SLCO4C1: variants seen among roughly 807,000 people sequenced by gnomAD.
SLCO4C1 encodes the protein organic anion transporter M1.
SLCO4C1 carries 58 observed loss-of-function variants against 72.1 expected under a neutral mutation model. The ratio of observed to expected loss-of-function variants is 0.80; its 90% CI spans 0.65 to 1.00. The LOEUF (loss-of-function observed/expected upper bound fraction) is 1.00, where lower values mean the gene tolerates loss of function less well. SLCO4C1 is among the 50% of genes least tolerant of loss of function. The pLI is 0.00. For missense variants in SLCO4C1, 898 were observed against 857.9 expected (o/e 1.05, Z -0.58); for synonymous variants, 297 against 312.5 (o/e 0.95, Z 0.52).
chr5:102,271,493 A>G (rs1487397829), intron 2 of SLCO4C1, among the ~76,000 whole-genome samples: 1 of 151,758 alleles, frequency 6.6e-6, no homozygotes, highest in Non-Finnish European at 1.5e-5. Flanking sequence ...AAATATTTAT[A>G]TTTTGATACT....
rs1409654280 is a variant in SLCO4C1, at chr5:102,233,990, G to GTATAAACAT, written c.*2859_*2867dup. ...TAATAAGCTCAAACACGACAATTTT[G>GTATAAACAT]TATAAACATTCTGATTTAATAAATG... On this transcript the variant is annotated 3_prime_UTR_variant, in exon 13 of 13. Transcript: ENST00000310954. 1 of 151,954 alleles carries GTATAAACAT rather than the reference G, an allele frequency of 6.6e-6. No homozygotes were observed. The highest frequency in any genetic ancestry group is 1.9e-4 in the East Asian group (1 of 5,194). 9.4% of individuals were successfully genotyped at this position (151,954 alleles called of 1,614,324 possible).
At chr5:102,251,322 A>C (rs1206729492) in intron 8 of SLCO4C1, among the ~76,000 whole-genome samples, 1 of 152,236 alleles carries the variant, frequency 6.6e-6, no homozygotes, top group Non-Finnish European at 1.5e-5. Flanking sequence ...ACCAGTTACA[A>C]TACCCTAGAC....
At chr5:102,275,075 A>G (rs1749224069) in intron 2 of SLCO4C1, among the ~76,000 whole-genome samples, 1 of 152,184 alleles carries the variant, frequency 6.6e-6, no homozygotes, top group African/African-American at 2.4e-5. Context: ...AGCAAATGAG[A>G]AATGTGAACA....
intron 8 of SLCO4C1, among the ~76,000 whole-genome samples, chr5:102,254,884 T>C (rs1475071104): frequency 6.6e-6 from 1 of 152,098 alleles, no homozygotes; most frequent in East Asian, 1.9e-4. Flanking sequence ...AAACCCACAA[T>C]ATCCTCAACA....
rs1487811440 is a variant in SLCO4C1, at chr5:102,291,607, C to T, written c.356-1G>A. 2 of 1,596,202 alleles carry T rather than the reference C, an allele frequency of 1.3e-6. No homozygotes were observed. Among genetic ancestry groups the T allele is most frequent in the Admixed American group, 1.8e-5 (1 of 56,828 alleles). On this transcript the variant is annotated splice_acceptor_variant, in intron 1 of 12. Transcript: ENST00000310954. LOFTEE classifies it high-confidence loss of function. ...TTTACTAGGCCATTAACTACAATAC[C>T]TAAAAAACAGAAAAGTTGATGTGCA...
At chr5:102,241,641 GAATA>G (rs1748541923) in intron 10 of SLCO4C1, among the ~76,000 whole-genome samples, 1 of 151,882 alleles carries the variant, frequency 6.6e-6, no homozygotes, top group South Asian at 2.1e-4. Context: ...TGAATTGGAG[GAATA>G]AATATTTTAA....
intron 6 of SLCO4C1, 146 bp from the exon 7 acceptor site, chr5:102,258,233 G>C (rs1748874696): frequency 9.0e-6 from 5 of 558,604 alleles, no homozygotes; most frequent in Non-Finnish European, 1.5e-5. Context: ...ATATAACTAT[G>C]GATAATTAAT....
chr5:102,275,941 TA>T, intron 2 of SLCO4C1, among the ~76,000 whole-genome samples: 1 of 152,236 alleles, frequency 6.6e-6, no homozygotes, highest in East Asian at 1.9e-4. Context: ...TCATTAAAAA[TA>T]TTTAAATTTA....
At chr5:102,255,949 T>C (rs1748826944) in intron 8 of SLCO4C1, among the ~76,000 whole-genome samples, 1 of 144,604 alleles carries the variant, frequency 6.9e-6, no homozygotes, top group Admixed American at 7.2e-5. Context: ...CTCACACCTG[T>C]AATCCCAGCA....
intron 2 of SLCO4C1, among the ~76,000 whole-genome samples, chr5:102,278,548 G>A (rs368292365): frequency 3.9e-5 from 6 of 152,032 alleles, no homozygotes; most frequent in East Asian, 1.9e-4. Flanking sequence ...CTTTTCAAAC[G>A]CCCACAGAAC....
At position 102,262,034 on chromosome 5, in the gene SLCO4C1, C is replaced by T; in HGVS notation, c.900-1G>A. 2 of 1,599,868 alleles carry T rather than the reference C, an allele frequency of 1.3e-6. No individual in the cohort carries two copies. The highest frequency in any genetic ancestry group is 1.7e-6 in the Non-Finnish European group (2 of 1,174,724). ...CGGATCATCCTCAGTGACATCAGTGCTATATGATAGAAAAACAAGAGGTAA... is the reference window on the plus strand; with the variant it reads ...CGGATCATCCTCAGTGACATCAGTGTTATATGATAGAAAAACAAGAGGTAA... On this transcript the variant is annotated splice_acceptor_variant, in intron 4 of 12. Transcript: ENST00000310954. LOFTEE classifies it high-confidence loss of function.
intron 10 of SLCO4C1, among the ~76,000 whole-genome samples, chr5:102,241,720 AT>A (rs1375110429): frequency 6.6e-6 from 1 of 152,198 alleles, no homozygotes; most frequent in African/African-American, 2.4e-5. Flanking sequence ...TTCCAAGAGC[AT>A]CTTTCACAGA....
In SLCO4C1 at chr5:102,247,269, T is replaced by C. The variant is rs1325946225; in HGVS notation, c.1794A>G (p.Ile598Met). 6.4e-7 allele frequency: 1 copy of C among 1,565,644 alleles called. No homozygotes were observed. The highest frequency in any genetic ancestry group is 8.7e-7 in the Non-Finnish European group (1 of 1,147,520). The change falls in exon 10 of 13, where the codon ATA becomes ATG. Residue 598 changes from isoleucine (I) to methionine (M), a missense_variant. Transcript: ENST00000310954. ...IIFTFMAGTP[I>M]TVSILRCVNH... ...CTACATACCTTAGGATAGACACAGT[T>C]ATAGGAGTACCGGCCATAAAGGTAA...
At chr5:102,245,764 C>A (rs1484997299) in intron 10 of SLCO4C1, among the ~76,000 whole-genome samples, 1 of 152,166 alleles carries the variant, frequency 6.6e-6, no homozygotes, top group Admixed American at 6.5e-5. Flanking sequence ...GCACATGGAT[C>A]ATTCTCAATG....
At chr5:102,276,709 A>T (rs1749252554) in intron 2 of SLCO4C1, among the ~76,000 whole-genome samples, 1 of 152,180 alleles carries the variant, frequency 6.6e-6, no homozygotes, top group African/African-American at 2.4e-5. Context: ...ACTGGAAAGG[A>T]ACAACTCAAT....
intron 2 of SLCO4C1, among the ~76,000 whole-genome samples, chr5:102,287,881 C>T (rs1336555323): frequency 1.3e-5 from 2 of 151,992 alleles, no homozygotes; most frequent in Admixed American, 1.3e-4. Context: ...ACATCCCTTC[C>T]GTTTCTAAAT....
intron 3 of SLCO4C1, among the ~76,000 whole-genome samples, chr5:102,268,616 A>G (rs3096197): frequency 6.6e-6 from 1 of 151,874 alleles, no homozygotes; most frequent in Non-Finnish European, 1.5e-5. Context: ...TATCATTGAT[A>G]ATTGTTTTCT....
rs550610371 is a variant in SLCO4C1, at chr5:102,245,917, T to C, written c.1811+1335A>G. Among the ~76,000 whole-genome samples the C allele has an allele frequency of 2.0e-5, 3 of 152,054 alleles. No homozygotes were observed. The South Asian group carries it at 6.2e-4, about 32-fold the overall frequency. On this transcript the variant is annotated intron_variant, in intron 10 of 12. Coordinates refer to ENST00000310954, the MANE Select transcript of SLCO4C1 (RefSeq NM_180991.5). ...GGAAACTATACAAATATATAGAAAT[T>C]AAACAATATACTCCTGAATGACTAG...
At position 102,291,371 on chromosome 5, in the gene SLCO4C1, T is replaced by C. The variant is rs760471100; in HGVS notation, c.591A>G (p.Gly197=). 2 of 1,613,796 alleles carry C rather than the reference T, an allele frequency of 1.2e-6. No individual in the cohort carries two copies. Among genetic ancestry groups the C allele is most frequent in the Non-Finnish European group, 1.7e-6 (2 of 1,179,944 alleles). ...CAAAAAGAGACCCCAATTTATATTC[T>C]CCACTGAAAAATTGTGGCAATGAGA... ...LVFSLPQFFS[G]EYKLGSLFED... The change falls in exon 2 of 13, where the codon GGA becomes GGG. Residue 197 remains glycine (G), a synonymous_variant. Coordinates refer to ENST00000310954, the MANE Select transcript of SLCO4C1 (RefSeq NM_180991.5).
Sources: gnomAD v4.1 joint callset for allele counts (sites outside exome capture counted in the v4.1 genomes callset) on GRCh38, gnomAD v4.1.1 for gene constraint, MANE v1.5 for transcripts, NCBI Gene and HGNC (gene_info 2026-07-23, HGNC 2026-07-21) for gene names.